SLC66A1: variants seen among roughly 807,000 people sequenced by gnomAD.
SLC66A1 encodes solute carrier family 66 member 1.
Under a neutral mutation model 33.0 loss-of-function variants are expected in SLC66A1, and 23 were observed. That is an observed-to-expected ratio of 0.70 (90% confidence interval 0.50 to 0.99). The LOEUF is 0.99. Ranked by LOEUF, SLC66A1 falls within the 50% of genes least tolerant of loss-of-function variation. The probability of loss-of-function intolerance (pLI) is 0.00; values close to 1 mark genes in which losing one functional copy is unlikely to be tolerated. For synonymous variants in SLC66A1, 164 were observed against 175.5 expected (o/e 0.93, Z 0.52); for missense variants, 335 against 383.6 (o/e 0.87, Z 1.06).
At chr1:19,317,862 A>G in intron 2 of SLC66A1, 21 bp downstream of exon 2, 1 of 1,609,878 alleles carries the variant, frequency 6.2e-7, no homozygotes, top group Non-Finnish European at 8.5e-7. Flanking sequence ...TCTTGGTGGC[A>G]GGACCAGGGC....
At position 19,327,392 on chromosome 1, in the gene SLC66A1, G is replaced by A. The variant is rs764251882; in HGVS notation, c.784G>A (p.Val262Met). 1.5e-5 allele frequency: 24 copies of A among 1,597,598 alleles called. No individual in the cohort carries two copies. Among genetic ancestry groups the A allele is most frequent in the Middle Eastern group, 1.9e-4 (1 of 5,344 alleles). Residue 262 changes from valine to methionine, a missense_variant, in exon 7 of 8, where the codon GTG becomes ATG. Coordinates refer to ENST00000375153, the MANE Select transcript of SLC66A1 (RefSeq NM_001040125.2). Reference protein sequence around the residue: ...HLPWLVGSLGVLLLDTIISIQ... With the variant: ...HLPWLVGSLGMLLLDTIISIQ... ...GCCCTGGCTTGTGGGCAGCCTGGGC[G>A]TGCTGCTGCTCGACACCATCGTATC...
At chr1:19,327,144 G>A (rs1569801731) in intron 6 of SLC66A1, 83 bp from the exon 7 acceptor site, 2 of 1,344,906 alleles carry the variant, frequency 1.5e-6, no homozygotes, top group Middle Eastern at 1.9e-4. Flanking sequence ...ACTGTGGTGG[G>A]GCAGGTGGAC....
chr1:19,315,739 C>CCTCT (rs374804532), intron 1 of SLC66A1, among the ~76,000 whole-genome samples: 5 of 151,556 alleles, frequency 3.3e-5, no homozygotes, highest in Non-Finnish European at 5.9e-5. Context: ...TCCCTCTCTC[C>CCTCT]CTCTCTCTCT....
chr1:19,314,333 T>C (rs1439592613), intron 1 of SLC66A1, among the ~76,000 whole-genome samples: 2 of 152,030 alleles, frequency 1.3e-5, no homozygotes, highest in Non-Finnish European at 2.9e-5. Context: ...GCACGCATAC[T>C]GGGGTGCATC....
intron 2 of SLC66A1, among the ~76,000 whole-genome samples, chr1:19,323,989 C>G (rs1019441987): frequency 3.3e-5 from 5 of 152,192 alleles, no homozygotes; most frequent in Non-Finnish European, 5.9e-5. Flanking sequence ...GCTTTGGCCT[C>G]GTACCCACAC....
intron 2 of SLC66A1, among the ~76,000 whole-genome samples, chr1:19,319,202 A>G (rs2093821027): frequency 6.6e-6 from 1 of 152,252 alleles, no homozygotes; most frequent in Non-Finnish European, 1.5e-5. Context: ...GTATAGCCAG[A>G]GTTGTGTAAC....
intron 2 of SLC66A1, among the ~76,000 whole-genome samples, chr1:19,319,605 G>GTTTTTTTTTTGTTTTTTTTGTTTTTT: frequency 8.9e-6 from 1 of 111,860 alleles, no homozygotes; most frequent in Middle Eastern, 5.3e-3. Context: ...GCACATTCAT[G>GTTTTTTTTTTGTTTTTTTTGTTTTTT]TTTTTTTTTT....
At chr1:19,327,529 A>ATCCATCCATCCC in intron 7 of SLC66A1, 117 bp downstream of exon 7, 1 of 680,258 alleles carries the variant, frequency 1.5e-6, no homozygotes, top group African/African-American at 2.7e-5. Flanking sequence ...CCATCCATCC[A>ATCCATCCATCCC]TCCCTCCCTC....
At chr1:19,321,626 G>A (rs1345719490) in intron 2 of SLC66A1, among the ~76,000 whole-genome samples, 1 of 148,730 alleles carries the variant, frequency 6.7e-6, no homozygotes, top group Non-Finnish European at 1.5e-5. Flanking sequence ...GAGTGCAGTG[G>A]TGCGATCTCA....
At chr1:19,329,585 T>C (rs978445608), downstream of SLC66A1, among the ~76,000 whole-genome samples, 9 of 152,234 alleles carry the variant, frequency 5.9e-5, no homozygotes, top group Admixed American at 5.2e-4. Flanking sequence ...TAAGGTTCTG[T>C]TGGATCTGGG....
chr1:19,328,886 A>G lies in SLC66A1; in HGVS notation c.*243A>G, dbSNP rs2093883931. On this transcript the variant is annotated 3_prime_UTR_variant, in exon 8 of 8. Coordinates refer to ENST00000375153, the MANE Select transcript of SLC66A1 (RefSeq NM_001040125.2). The surrounding 1 kb of genome is among the most constrained non-coding windows in gnomAD (Gnocchi z 4.7). The stretch of plus-strand genomic sequence containing the variant: ...AGTGAGGCTGCCCCTCCTACCACCT[A>G]CCTCATTCTGCCTACTCACCCCAGG... 2.3e-5 allele frequency: 13 copies of G among 573,828 alleles called. No homozygotes were observed. The highest frequency in any genetic ancestry group is 1.2e-4 in the South Asian group (6 of 48,762). The allele number at this position is 573,828 out of a possible 1,614,324, so 35.5% of individuals were successfully genotyped here.
At position 19,317,635 on chromosome 1, in the gene SLC66A1, T is replaced by C. The variant is rs767807693; in HGVS notation, c.-43T>C. On this transcript the variant is annotated 5_prime_UTR_variant, in exon 2 of 8. Transcript: ENST00000375153. The stretch of plus-strand genomic sequence containing the variant: ...GGCCTCAGAACACCAGCGCCCTCCC[T>C]CCGGTGCAGCCCTGCCTGGCCGGGG... 2 of 1,605,664 alleles carry C rather than the reference T, an allele frequency of 1.2e-6. No individual in the cohort carries two copies. Among genetic ancestry groups the C allele is most frequent in the South Asian group, 2.2e-5 (2 of 90,036 alleles).
intron 2 of SLC66A1, 25 bp from the exon 3 acceptor site, chr1:19,324,608 A>C (rs41264067): frequency 6.2e-7 from 1 of 1,613,454 alleles, no homozygotes; most frequent in South Asian, 1.1e-5. Context: ...CTGAGCATGC[A>C]TCCCTTCCTC....
chr1:19,325,643 G>GAT, intron 4 of SLC66A1, 61 bp downstream of exon 4: 1 of 1,296,348 alleles, frequency 7.7e-7, no homozygotes, highest in South Asian at 1.2e-5. Flanking sequence ...AGTTGTGGGG[G>GAT]GGGGCGCCTG....
chr1:19,326,475 G>C, intron 5 of SLC66A1, 56 bp from the exon 6 acceptor site: 1 of 1,613,552 alleles, frequency 6.2e-7, no homozygotes, highest in South Asian at 1.1e-5. Context: ...GCTAAATGGG[G>C]TGGGGGATCA....
At position 19,328,600 on chromosome 1, in the gene SLC66A1, G is replaced by A. The variant is rs1442377008; in HGVS notation, c.833G>A (p.Arg278His). The A allele has an allele frequency of 3.7e-5, 60 of 1,613,570 alleles. No individual in the cohort carries two copies. The highest frequency in any genetic ancestry group is 1.6e-4 in the Middle Eastern group (1 of 6,084). ...TCCATCCAGTTCCTGGTGTACAGGCGCAGCACCGCCGCCTCGGAGCTTGAG... is the reference window on the plus strand; with the variant it reads ...TCCATCCAGTTCCTGGTGTACAGGCACAGCACCGCCGCCTCGGAGCTTGAG... ...IISIQFLVYR[R>H]STAASELEPL... Residue 278 changes from arginine (R) to histidine (H), a missense_variant, in exon 8 of 8, where the codon CGC becomes CAC. Physicochemically the swap from Arg to His is conservative, Grantham distance 29 (BLOSUM62 0). Transcript: ENST00000375153. This position sits in a 1 kb window ranked among gnomAD's most constrained non-coding sequence, Gnocchi z 4.7.
In SLC66A1 at chr1:19,312,458, A is replaced by G. The variant is rs981978410; in HGVS notation, c.-510A>G. Reference sequence around the variant, plus strand: ...TCCAGCCCTCTCCTCCGGCCGCTGGACTGTCCCGGCTCCTGCGCCCTCCTT... The same window carrying G: ...TCCAGCCCTCTCCTCCGGCCGCTGGGCTGTCCCGGCTCCTGCGCCCTCCTT... On this transcript the variant is annotated 5_prime_UTR_variant, in exon 1 of 8. Coordinates refer to ENST00000375153, the MANE Select transcript of SLC66A1 (RefSeq NM_001040125.2). The G allele has an allele frequency of 4.0e-5, 7 of 173,914 alleles. No individual in the cohort carries two copies. Among genetic ancestry groups the G allele is most frequent in the Non-Finnish European group, 6.1e-5 (5 of 82,330 alleles). 10.8% of individuals were successfully genotyped at this position (173,914 alleles called of 1,614,324 possible). A position where few individuals can be genotyped will look rare whatever the true frequency, so the allele number is the denominator to read the frequency against.
Position 19,317,659 on chromosome 1 carries a change from G to T in SLC66A1, c.-19G>T, listed in dbSNP as rs868535629. On this transcript the variant is annotated 5_prime_UTR_variant, in exon 2 of 8. Transcript: ENST00000375153. ...CTCCGGTGCAGCCCTGCCTGGCCGG[G>T]GGCCCCTCCTCCACAGCCATGGTCT... is the stretch of plus-strand genomic sequence containing the variant. 1 of 1,613,016 alleles carries T rather than the reference G, an allele frequency of 6.2e-7. No individual in the cohort carries two copies. Among genetic ancestry groups the T allele is most frequent in the South Asian group, 1.1e-5 (1 of 91,010 alleles).
Position 19,325,643 on chromosome 1 carries a change from G to GC in SLC66A1, c.382+61_382+62insC, listed in dbSNP as rs1558152056. 3 of 1,296,232 alleles carry GC rather than the reference G, an allele frequency of 2.3e-6. No individual in the cohort carries two copies. In the African/African-American group the frequency reaches 4.6e-5, roughly 20 times the overall value. The allele number at this position is 1,296,232 out of a possible 1,614,324, so 80.3% of individuals were successfully genotyped here. A position where few individuals can be genotyped will look rare whatever the true frequency, so the allele number is the denominator to read the frequency against. ...CCAGCAGCAGGGGGCAGTTGTGGGG[G>GC]GGGGCGCCTGGAGTGTGGGAGGAAG... On this transcript the variant is annotated intron_variant, in intron 4 of 7. Coordinates refer to ENST00000375153, the MANE Select transcript of SLC66A1 (RefSeq NM_001040125.2).
Sources: gnomAD v4.1 joint callset for allele counts (sites outside exome capture counted in the v4.1 genomes callset) on GRCh38, gnomAD v4.1.1 for gene constraint, Gnocchi (gnomAD v3.1) non-coding constraint, MANE v1.5 for transcripts, NCBI Gene and HGNC (gene_info 2026-07-23, HGNC 2026-07-21) for gene names.